Variants in ZNRF3 observed in about 807,000 individuals in gnomAD.
The protein encoded by ZNRF3 is zinc and ring finger 3.
Under a neutral mutation model 72.5 loss-of-function variants are expected in ZNRF3, and 23 were observed. The ratio of observed to expected loss-of-function variants is 0.32; its 90% CI spans 0.23 to 0.45. The LOEUF is 0.45. Among genes scored for constraint, ZNRF3 ranks in the 20% least tolerant of loss-of-function variants. The probability of loss-of-function intolerance (pLI) is 1.00; values close to 1 mark genes in which losing one functional copy is unlikely to be tolerated. For synonymous variants in ZNRF3, 610 were observed against 545.3 expected, an observed-to-expected ratio of 1.12 and a Z score of -1.65; for missense variants, 1,169 against 1,272.1, an observed-to-expected ratio of 0.92 and a Z score of 1.23.
intron 1 of ZNRF3, among the ~76,000 whole-genome samples, chr22:28,915,183 A>T (rs1265333596): frequency 6.6e-6 from 1 of 152,222 alleles, no homozygotes; most frequent in Non-Finnish European, 1.5e-5. Context: ...TTTACTCATG[A>T]TTCTGAAGGC....
rs1457966534 is a variant in ZNRF3 at position 29,048,374 on chromosome 22, T to C, written c.913-15T>C. The C allele has an allele frequency of 1.2e-6, 2 of 1,611,192 alleles. No homozygotes were observed. The highest frequency in any genetic ancestry group is 2.2e-5 in the South Asian group (2 of 90,536). ...AGGCTGAAGGCAGACTTGTGTCCCC[T>C]CTCTCCCTGCCCAGGAGCTGCGGGT... is the stretch of plus-strand genomic sequence containing the variant. On this transcript the variant is annotated splice_polypyrimidine_tract_variant and intron_variant, in intron 6 of 8. Transcript: ENST00000544604. This position sits in a 1 kb window ranked among gnomAD's most constrained non-coding sequence, Gnocchi z 4.9.
chr22:28,928,488 GTC>G (rs869153803), intron 1 of ZNRF3, among the ~76,000 whole-genome samples: 7 of 122,810 alleles, frequency 5.7e-5, no homozygotes, highest in African/African-American at 2.0e-4. Flanking sequence ...TTCCAGAAAT[GTC>G]TTTTTTTTTT....
intron 1 of ZNRF3, among the ~76,000 whole-genome samples, chr22:28,907,777 CAG>C (rs1333335235): frequency 1.3e-5 from 2 of 152,210 alleles, no homozygotes; most frequent in African/African-American, 4.8e-5. Flanking sequence ...GCGCATGGTG[CAG>C]AGTGGTGTCA....
intron 2 of ZNRF3, among the ~76,000 whole-genome samples, chr22:28,989,392 C>T (rs1455437952): frequency 6.6e-6 from 1 of 152,156 alleles, no homozygotes; most frequent in Non-Finnish European, 1.5e-5. Flanking sequence ...TTTCTCTCAT[C>T]ATCTTCTTAA....
chr22:28,946,021 T>C (rs184628355), intron 1 of ZNRF3, among the ~76,000 whole-genome samples: 1 of 152,332 alleles, frequency 6.6e-6, no homozygotes, highest in East Asian at 1.9e-4. Flanking sequence ...CTTCAAAATC[T>C]GAAACTGTTT....
At chr22:28,884,647 G>C (rs983241444) in intron 1 of ZNRF3, among the ~76,000 whole-genome samples, 1 of 152,176 alleles carries the variant, frequency 6.6e-6, no homozygotes, top group Admixed American at 6.5e-5. Flanking sequence ...GTGGGGATCG[G>C]GGGTTCCCTG....
intron 1 of ZNRF3, among the ~76,000 whole-genome samples, chr22:28,961,522 G>A (rs544931981): frequency 1.3e-5 from 2 of 152,316 alleles, no homozygotes; most frequent in African/African-American, 4.8e-5. Context: ...AATGGATGGG[G>A]CAGAAGATGG....
intron 1 of ZNRF3, among the ~76,000 whole-genome samples, chr22:28,935,727 A>G (rs952732625): frequency 6.6e-6 from 1 of 152,118 alleles, no homozygotes. Flanking sequence ...ATTCTCTACA[A>G]TTCTTTCACT....
chr22:29,019,023 C>A (rs1363461047), intron 2 of ZNRF3, among the ~76,000 whole-genome samples: 1 of 151,282 alleles, frequency 6.6e-6, no homozygotes, highest in Non-Finnish European at 1.5e-5. Flanking sequence ...GGGGCCTCAC[C>A]TGGGATAGCC....
chr22:28,948,508 G>A (rs1238290968), intron 1 of ZNRF3, among the ~76,000 whole-genome samples: 2 of 152,174 alleles, frequency 1.3e-5, no homozygotes, highest in Non-Finnish European at 2.9e-5. Flanking sequence ...GAGAAAAATG[G>A]CCTTGTTTTA....
chr22:28,924,497 C>T (rs1158637854), intron 1 of ZNRF3, among the ~76,000 whole-genome samples: 30 of 152,110 alleles, frequency 2.0e-4, no homozygotes, highest in Admixed American at 2.0e-3. Context: ...CGCCTGTCAT[C>T]TCAGTGCTTT....
chr22:29,039,805 A>T (rs2036928047), intron 2 of ZNRF3, among the ~76,000 whole-genome samples: 1 of 150,124 alleles, frequency 6.7e-6, no homozygotes, highest in Non-Finnish European at 1.5e-5. Flanking sequence ...AAAAAAAAAA[A>T]AAAATTAGCC....
At chr22:29,035,907 A>G (rs2036858211) in intron 2 of ZNRF3, among the ~76,000 whole-genome samples, 1 of 151,972 alleles carries the variant, frequency 6.6e-6, no homozygotes, top group Non-Finnish European at 1.5e-5. Flanking sequence ...GCTGGGGTCT[A>G]TGTTGCCCAG....
chr22:28,948,152 G>A (rs542458282), intron 1 of ZNRF3, among the ~76,000 whole-genome samples: 2 of 148,464 alleles, frequency 1.3e-5, no homozygotes, highest in African/African-American at 5.0e-5. Context: ...TACAAATAAC[G>A]TTTTTTATTT....
chr22:28,912,341 C>T (rs916109660), intron 1 of ZNRF3, among the ~76,000 whole-genome samples: 19 of 152,164 alleles, frequency 1.2e-4, no homozygotes, highest in African/African-American at 3.9e-4. Context: ...CATCTTAACC[C>T]GGCTTCTCAT....
chr22:29,050,941 G>A lies in ZNRF3; in HGVS notation c.2760G>A (p.Glu920=), dbSNP rs567416646. 1 of 1,512,246 alleles carries A rather than the reference G, an allele frequency of 6.6e-7. No individual in the cohort carries two copies. Among genetic ancestry groups the A allele is most frequent in the African/African-American group, 1.4e-5 (1 of 72,038 alleles). The allele number at this position is 1,512,246 out of a possible 1,614,324, so 93.7% of individuals were successfully genotyped here. The stretch of plus-strand genomic sequence containing the variant: ...AGGAGTCCAGCACCACTGCCACTGA[G>A]GCTGCAGGTGAGAGCAGGAAATGGC... ...DTQESSTTAT[E]AAGPRSHSAD... Residue 920 remains glutamate (E), a synonymous_variant, in exon 8 of 9, where the codon GAG becomes GAA. Transcript: ENST00000544604.
At chr22:28,959,001 A>T (rs2035308273) in intron 1 of ZNRF3, among the ~76,000 whole-genome samples, 1 of 152,214 alleles carries the variant, frequency 6.6e-6, no homozygotes, top group Admixed American at 6.5e-5. Flanking sequence ...TCTCCTGATC[A>T]CAAGTGCTTG....
At chr22:29,007,755 T>C (rs34210550) in intron 2 of ZNRF3, among the ~76,000 whole-genome samples, 36,184 of 131,976 alleles carry the variant, frequency 0.27, 6,333 homozygotes, top group Middle Eastern at 0.38. Flanking sequence ...TTTCTTCCTT[T>C]TTTTTTTTTT....
intron 1 of ZNRF3, among the ~76,000 whole-genome samples, chr22:28,936,899 G>T (rs1285672125): frequency 6.6e-6 from 1 of 152,066 alleles, no homozygotes; most frequent in Non-Finnish European, 1.5e-5. Flanking sequence ...AGAAGCTGGG[G>T]ATTATATATC....
Sources: allele counts gnomAD v4.1 joint callset (sites outside exome capture counted in the v4.1 genomes callset), GRCh38; gene constraint gnomAD v4.1.1; non-coding constraint Gnocchi (gnomAD v3.1); transcripts MANE v1.5; gene names NCBI Gene and HGNC (gene_info 2026-07-23, HGNC 2026-07-21).